Variants in ETNK1 observed in about 807,000 individuals in gnomAD.
ETNK1 encodes putative protein product of Nbla10396.
In ETNK1, 8 loss-of-function variants were observed where a neutral mutation model predicts 45.1. The ratio of observed to expected loss-of-function variants is 0.18; its 90% confidence interval spans 0.10 to 0.32. The LOEUF is 0.32. ETNK1 is among the 10% of genes least tolerant of loss of function. The pLI, the probability that ETNK1 is intolerant of heterozygous loss-of-function variation, is 1.00. For missense variants in ETNK1, 302 were observed against 430.6 expected, an observed-to-expected ratio of 0.70 and a Z score of 2.64; for synonymous variants, 152 against 151.9, an observed-to-expected ratio of 1.00 and a Z score of -0.01.
At chr12:22,666,367 T>C (rs1174307765) in intron 4 of ETNK1, among the ~76,000 whole-genome samples, 2 of 152,204 alleles carry the variant, frequency 1.3e-5, no homozygotes, top group African/African-American at 4.8e-5. Context: ...GAATTATCAG[T>C]CATCTTTTAA....
intron 1 of ETNK1, 176 bp downstream of exon 1, chr12:22,625,762 C>T: frequency 1.0e-6 from 1 of 964,012 alleles, no homozygotes. Flanking sequence ...ACTCCCCCTT[C>T]CCGTCGCAGT....
At chr12:22,635,519 A>C (rs1953644693) in intron 1 of ETNK1, among the ~76,000 whole-genome samples, 1 of 152,228 alleles carries the variant, frequency 6.6e-6, no homozygotes, top group South Asian at 2.1e-4. Flanking sequence ...CAATGAACAG[A>C]AGTTCTAAGA....
chr12:22,663,013 C>T (rs1007294876), intron 4 of ETNK1, among the ~76,000 whole-genome samples: 8 of 152,164 alleles, frequency 5.3e-5, no homozygotes, highest in African/African-American at 1.9e-4. Flanking sequence ...TTCTATTTTT[C>T]AAAAACATAC....
chr12:22,653,014 A>G (rs1320686799), intron 2 of ETNK1, among the ~76,000 whole-genome samples: 5 of 152,100 alleles, frequency 3.3e-5, no homozygotes, highest in Admixed American at 3.3e-4. Flanking sequence ...GTTTTCATAT[A>G]TGGTGTAAGG....
In ETNK1 at chr12:22,643,752, A is replaced by T. The variant is rs776754408; in HGVS notation, c.157-11A>T. ...GCTTTTTTTCCCATTTTTAAAAAAA[A>T]TTTTTGGCAGCTCTTCACAGATGGA... is the stretch of plus-strand genomic sequence containing the variant. On this transcript the variant is annotated splice_polypyrimidine_tract_variant and intron_variant, in intron 1 of 7. Transcript: ENST00000266517. 30 of 1,568,202 alleles carry T rather than the reference A, an allele frequency of 1.9e-5. No individual in the cohort carries two copies. The highest frequency in any genetic ancestry group is 3.4e-4 in the Middle Eastern group (2 of 5,840).
At chr12:22,628,700 T>C (rs1953536336) in intron 1 of ETNK1, among the ~76,000 whole-genome samples, 1 of 152,116 alleles carries the variant, frequency 6.6e-6, no homozygotes, top group Non-Finnish European at 1.5e-5. Context: ...AGGGTCTTTC[T>C]GTTTGCAGTA....
At chr12:22,650,606 C>T (rs1953862506) in intron 2 of ETNK1, among the ~76,000 whole-genome samples, 1 of 151,768 alleles carries the variant, frequency 6.6e-6, no homozygotes, top group South Asian at 2.1e-4. Context: ...TTGAACCAGC[C>T]TTGTATACCT....
chr12:22,631,297 C>T (rs1953577398), intron 1 of ETNK1, among the ~76,000 whole-genome samples: 1 of 151,936 alleles, frequency 6.6e-6, no homozygotes, highest in Non-Finnish European at 1.5e-5. Context: ...GCCTCAGCCT[C>T]CAGAGTAGCT....
chr12:22,655,287 T>C (rs927317966), intron 2 of ETNK1, among the ~76,000 whole-genome samples: 1 of 151,126 alleles, frequency 6.6e-6, no homozygotes, highest in Non-Finnish European at 1.5e-5. Context: ...GAAGTTAGTG[T>C]GAAATGGCAA....
At position 22,625,594 on chromosome 12, in the gene ETNK1, C is replaced by A; in HGVS notation, c.156+8C>A. On this transcript the variant is annotated splice_region_variant and intron_variant, in intron 1 of 7. Transcript: ENST00000266517. ...CAGGAGGTGACCCTGCAGGTAACGC[C>A]CACACCTCAGCTCTGGGTCTCTTAT... 6.4e-7 allele frequency: 1 copy of A among 1,573,736 alleles called. No homozygotes were observed. Among genetic ancestry groups the A allele is most frequent in the Non-Finnish European group, 8.6e-7 (1 of 1,160,890 alleles).
chr12:22,669,830 T>A (rs1954090166), intron 4 of ETNK1, among the ~76,000 whole-genome samples: 1 of 150,862 alleles, frequency 6.6e-6, no homozygotes, highest in Non-Finnish European at 1.5e-5. Flanking sequence ...AGAAAAAAAA[T>A]ATATAATACT....
intron 4 of ETNK1, among the ~76,000 whole-genome samples, chr12:22,668,466 G>C (rs900793067): frequency 6.6e-6 from 1 of 152,142 alleles, no homozygotes; most frequent in Non-Finnish European, 1.5e-5. Context: ...TTAAATTTAA[G>C]GTTGAGTTCC....
intron 1 of ETNK1, among the ~76,000 whole-genome samples, chr12:22,626,437 A>C (rs910362873): frequency 7.2e-5 from 11 of 152,008 alleles, no homozygotes; most frequent in African/African-American, 2.7e-4. Flanking sequence ...AAAAAAAAAC[A>C]GTAATTTTCA....
chr12:22,632,399 T>C (rs977173804), intron 1 of ETNK1, among the ~76,000 whole-genome samples: 2 of 151,892 alleles, frequency 1.3e-5, no homozygotes, highest in East Asian at 3.8e-4. Flanking sequence ...TTTATAAACA[T>C]TTTCCCATGT....
chr12:22,683,878 A>G (rs527518500), intron 6 of ETNK1, among the ~76,000 whole-genome samples: 2 of 152,292 alleles, frequency 1.3e-5, no homozygotes, highest in South Asian at 4.1e-4. Context: ...AACTGAAAAT[A>G]GATTGTAAAG....
chr12:22,651,980 C>T (rs1408800371), intron 2 of ETNK1, among the ~76,000 whole-genome samples: 1 of 152,150 alleles, frequency 6.6e-6, no homozygotes, highest in African/African-American at 2.4e-5. Flanking sequence ...GCCACCACGC[C>T]TGGCCAATTC....
intron 2 of ETNK1, among the ~76,000 whole-genome samples, chr12:22,648,798 A>G (rs1953838951): frequency 6.6e-6 from 1 of 152,084 alleles, no homozygotes; most frequent in Non-Finnish European, 1.5e-5. Flanking sequence ...AAACCGCCGA[A>G]CTGTTTCCCA....
chr12:22,664,623 GTTAA>G (rs1316109209), intron 4 of ETNK1, among the ~76,000 whole-genome samples: 1 of 152,044 alleles, frequency 6.6e-6, no homozygotes, highest in African/African-American at 2.4e-5. Context: ...TTTTGAAAAG[GTTAA>G]TTAAAGATAC....
chr12:22,668,946 C>G (rs747352759), intron 4 of ETNK1, among the ~76,000 whole-genome samples: 1 of 152,002 alleles, frequency 6.6e-6, no homozygotes, highest in Non-Finnish European at 1.5e-5. Flanking sequence ...ACTGTATTTG[C>G]CAAATTCTAA....
Sources: allele counts gnomAD v4.1 joint callset (sites outside exome capture counted in the v4.1 genomes callset), GRCh38; gene constraint gnomAD v4.1.1; transcripts MANE v1.5; gene names NCBI Gene and HGNC (gene_info 2026-07-23, HGNC 2026-07-21).